Variants in COL23A1 observed in about 807,000 individuals in gnomAD.
COL23A1 encodes the protein collagen alpha-1(XXIII) chain.
COL23A1 carries 97 observed loss-of-function variants against 99.3 expected under a neutral mutation model. That is an observed-to-expected ratio of 0.98 (90% CI 0.83 to 1.16). COL23A1 has a LOEUF of 1.16. COL23A1 is among the 50% of genes most tolerant of loss of function. The pLI, the probability that COL23A1 is intolerant of heterozygous loss-of-function variation, is 0.00. For missense variants in COL23A1, 762 were observed against 757.4 expected (o/e 1.01, Z -0.07); for synonymous variants, 320 against 308.2 (o/e 1.04, Z -0.40).
In COL23A1 at chr5:178,417,486, C is replaced by T. The variant is rs748639665; in HGVS notation, c.362-110567G>A. Among the ~76,000 whole-genome samples the T allele has an allele frequency of 3.9e-5, 6 of 152,114 alleles. No homozygotes were observed. The South Asian group carries it at 8.3e-4, about 21-fold the overall frequency. On this transcript the variant is annotated intron_variant, in intron 2 of 28. Transcript: ENST00000390654. ...ACTGCCCAAAGGGGGAAATCACGCC[C>T]GCAACATTCTGGATTCTCCCTCTGG...
intron 8 of COL23A1, among the ~76,000 whole-genome samples, chr5:178,263,613 C>T (rs1186717327): frequency 6.6e-6 from 1 of 152,322 alleles, no homozygotes; most frequent in Non-Finnish European, 1.5e-5. Context: ...AGATGGCACA[C>T]GCTGCATGTG....
chr5:178,528,584 C>T (rs967140413), intron 2 of COL23A1, among the ~76,000 whole-genome samples: 5 of 152,188 alleles, frequency 3.3e-5, no homozygotes, highest in South Asian at 2.1e-4. Context: ...GAGGCCGAGG[C>T]GGGTGGGTCA....
At chr5:178,489,129 A>G (rs1454611759) in intron 2 of COL23A1, among the ~76,000 whole-genome samples, 1 of 150,644 alleles carries the variant, frequency 6.6e-6, no homozygotes, top group African/African-American at 2.4e-5. Flanking sequence ...CATGGAGGTC[A>G]GTGGGCTGAG....
intron 2 of COL23A1, among the ~76,000 whole-genome samples, chr5:178,516,326 G>A (rs568312448): frequency 6.6e-6 from 1 of 152,324 alleles, no homozygotes; most frequent in African/African-American, 2.4e-5. Flanking sequence ...GCCCCACTGA[G>A]GCCTGGCCTC....
intron 2 of COL23A1, among the ~76,000 whole-genome samples, chr5:178,466,310 G>A (rs58658959): frequency 1.3e-5 from 2 of 152,278 alleles, no homozygotes; most frequent in Admixed American, 1.3e-4. Context: ...GCCACTGGTA[G>A]TAGCAATGGT....
chr5:178,306,998 C>A lies in COL23A1; in HGVS notation c.362-79G>T. 1 of 1,089,194 alleles carries A rather than the reference C, an allele frequency of 9.2e-7. No individual in the cohort carries two copies. Among genetic ancestry groups the A allele is most frequent in the Non-Finnish European group, 1.3e-6 (1 of 797,220 alleles). 67.5% of individuals were successfully genotyped at this position (1,089,194 alleles called of 1,614,324 possible). The stretch of plus-strand genomic sequence containing the variant: ...CTGCGTGGGGCATGCCCCAGCCACC[C>A]ACCTGTCCGCTCGCAACAGCTTTCT... On this transcript the variant is annotated intron_variant, in intron 2 of 28. Coordinates refer to ENST00000390654, the MANE Select transcript of COL23A1 (RefSeq NM_173465.4). This position sits in a 1 kb window ranked among gnomAD's most constrained non-coding sequence, Gnocchi z 4.1.
intron 2 of COL23A1, among the ~76,000 whole-genome samples, chr5:178,420,418 CCCTTCTCCCCTCCCCCGCTCTTT>C: frequency 2.1e-5 from 1 of 48,678 alleles, no homozygotes; most frequent in South Asian, 1.2e-3. Flanking sequence ...GATGTGACCT[CCCTTCTCCCCTCCCCCGCTCTTT>C]CCTCCTCCCC....
chr5:178,290,722 A>G (rs2973775), intron 3 of COL23A1, among the ~76,000 whole-genome samples: 113,241 of 152,094 alleles, frequency 0.74, 43,780 homozygotes, highest in Non-Finnish European at 0.87. Flanking sequence ...GGGATGGTTT[A>G]TTTCTATTGA....
intron 2 of COL23A1, among the ~76,000 whole-genome samples, chr5:178,402,106 G>A (rs56298610): frequency 0.012 from 1,815 of 152,240 alleles, 38 homozygotes; most frequent in African/African-American, 0.041. Flanking sequence ...GTGAGCCACC[G>A]CGCCCAGCTG....
At chr5:178,559,583 T>A (rs1276955367) in intron 2 of COL23A1, among the ~76,000 whole-genome samples, 2 of 89,870 alleles carry the variant, frequency 2.2e-5, no homozygotes, top group Admixed American at 1.1e-4. Context: ...CACCCAAAAG[T>A]CACCTTTCCC....
At chr5:178,256,979 G>GGTGCCTTGGAGGGGGGC in intron 13 of COL23A1, 51 bp from the exon 14 acceptor site, 1 of 1,576,336 alleles carries the variant, frequency 6.3e-7, no homozygotes, top group Non-Finnish European at 8.7e-7. Flanking sequence ...GCACGTGGCG[G>GGTGCCTTGGAGGGGGGC]GTGCCTTGGA....
chr5:178,358,256 ATGTATATGTG>A (rs1392442342), intron 2 of COL23A1, among the ~76,000 whole-genome samples: 26 of 95,748 alleles, frequency 2.7e-4, no homozygotes, highest in Admixed American at 1.1e-3. Context: ...ATGTGTGTGT[ATGTATATGTG>A]TGTATATGTG....
chr5:178,291,570 G>A (rs1581091435), intron 3 of COL23A1, among the ~76,000 whole-genome samples: 3 of 152,186 alleles, frequency 2.0e-5, no homozygotes, highest in African/African-American at 7.2e-5. Flanking sequence ...GGGAGGGCCG[G>A]AGAAGGCAGG....
At chr5:178,273,322 G>A (rs192031418) in intron 5 of COL23A1, among the ~76,000 whole-genome samples, 1 of 152,354 alleles carries the variant, frequency 6.6e-6, no homozygotes, top group African/African-American at 2.4e-5. Context: ...TCCTGAGCTG[G>A]ACGCTGCCCT....
In COL23A1 at chr5:178,278,471, C is replaced by T. The variant is rs115416150; in HGVS notation, c.442-8108G>A. Among the ~76,000 whole-genome samples the T allele has an allele frequency of 3.4e-3, 519 of 152,336 alleles. 6 individuals are homozygous for T. The highest frequency in any genetic ancestry group is 0.012 in the African/African-American group (486 of 41,576). ...GATGTGGTAGTGATGACTGCATGTGCGGAACTGCACCCCGATGGGGCGGGT... is the reference window on the plus strand; with the variant it reads ...GATGTGGTAGTGATGACTGCATGTGTGGAACTGCACCCCGATGGGGCGGGT... On this transcript the variant is annotated intron_variant, in intron 5 of 28. Transcript: ENST00000390654.
intron 2 of COL23A1, among the ~76,000 whole-genome samples, chr5:178,406,488 G>A (rs1764771573): frequency 6.7e-6 from 1 of 148,246 alleles, no homozygotes; most frequent in South Asian, 2.1e-4. Context: ...GGAGTGAAAT[G>A]GCGACATCTC....
intron 2 of COL23A1, among the ~76,000 whole-genome samples, chr5:178,539,945 C>T (rs1026040075): frequency 2.0e-5 from 3 of 152,110 alleles, no homozygotes; most frequent in Non-Finnish European, 4.4e-5. Context: ...GGAATGCAAG[C>T]GTGGTTACCA....
At chr5:178,471,442 T>C (rs1756744667) in intron 2 of COL23A1, among the ~76,000 whole-genome samples, 1 of 152,158 alleles carries the variant, frequency 6.6e-6, no homozygotes, top group Non-Finnish European at 1.5e-5. Flanking sequence ...TTTCGCCATG[T>C]TGGCCAGGTT....
At chr5:178,454,392 G>C (rs1241343065) in intron 2 of COL23A1, among the ~76,000 whole-genome samples, 1 of 152,188 alleles carries the variant, frequency 6.6e-6, no homozygotes, top group Non-Finnish European at 1.5e-5. Flanking sequence ...AGGCCTGCAG[G>C]CTGCGTGCTG....
Sources: gnomAD v4.1 joint callset for allele counts (sites outside exome capture counted in the v4.1 genomes callset) on GRCh38, gnomAD v4.1.1 for gene constraint, Gnocchi (gnomAD v3.1) non-coding constraint, MANE v1.5 for transcripts, NCBI Gene and HGNC (gene_info 2026-07-23, HGNC 2026-07-21) for gene names.